Variants in MRPS27 observed in about 807,000 individuals in gnomAD.
MRPS27 encodes the protein small ribosomal subunit protein mS27.
In MRPS27, 43 loss-of-function variants were observed where a neutral mutation model predicts 48.9. The ratio of observed to expected loss-of-function variants is 0.88; its 90% CI spans 0.69 to 1.13. The LOEUF (loss-of-function observed/expected upper bound fraction) is 1.13. MRPS27 is among the 50% of genes most tolerant of loss of function. The probability of loss-of-function intolerance (pLI) is 0.00; values close to 1 mark genes in which losing one functional copy is unlikely to be tolerated. For synonymous variants in MRPS27, 188 were observed against 171.9 expected (o/e 1.09, Z -0.73); for missense variants, 467 against 476.3 (o/e 0.98, Z 0.18).
intron 4 of MRPS27, among the ~76,000 whole-genome samples, chr5:72,291,780 A>T (rs1328748623): frequency 1.3e-5 from 2 of 152,384 alleles, no homozygotes; most frequent in South Asian, 4.1e-4. Context: ...CAGAAACAGA[A>T]GCAAAAGCAA....
At position 72,223,920 on chromosome 5, in the gene MRPS27, G is replaced by A. The variant is rs1747825609; in HGVS notation, c.838-70C>T. On this transcript the variant is annotated intron_variant, in intron 9 of 10. Coordinates refer to ENST00000261413, the MANE Select transcript of MRPS27 (RefSeq NM_015084.3). ...AAAAGCACATGGTGAAGAAAGGCTAGAGAAGGCGAAAGAAAGGAAGAATGA... is the reference window on the plus strand; with the variant it reads ...AAAAGCACATGGTGAAGAAAGGCTAAAGAAGGCGAAAGAAAGGAAGAATGA... 2.7e-6 allele frequency: 4 copies of A among 1,498,500 alleles called. No homozygotes were observed. In the East Asian group the frequency reaches 9.2e-5, roughly 34 times the overall value. The allele number at this position is 1,498,500 out of a possible 1,614,324, so 92.8% of individuals were successfully genotyped here.
chr5:72,270,910 A>C (rs1749224589), intron 4 of MRPS27, among the ~76,000 whole-genome samples: 1 of 152,226 alleles, frequency 6.6e-6, no homozygotes, highest in Non-Finnish European at 1.5e-5. Context: ...CTATATTTGT[A>C]GAAAAAACAT....
intron 4 of MRPS27, among the ~76,000 whole-genome samples, chr5:72,242,428 GA>G (rs750987632): frequency 1.2e-3 from 141 of 120,742 alleles, no homozygotes; most frequent in Middle Eastern, 8.7e-3. Context: ...GATCAAGAGT[GA>G]AAAAAAAAAA....
intron 4 of MRPS27, among the ~76,000 whole-genome samples, chr5:72,265,948 T>C (rs1281839109): frequency 2.0e-5 from 3 of 152,222 alleles, no homozygotes; most frequent in Non-Finnish European, 4.4e-5. Context: ...AAGATTTTGA[T>C]TTGAAATTCG....
At position 72,297,612 on chromosome 5, in the gene MRPS27, A is replaced by G. The variant is rs1414522468; in HGVS notation, c.222+20T>C. ...TTTCTTCCTTGTTCTTGGAAAATAT[A>G]TATGTTAAAATTTTCTTACCCGTGA... On this transcript the variant is annotated intron_variant, in intron 3 of 10. Transcript: ENST00000261413. 8 of 1,479,854 alleles carry G rather than the reference A, an allele frequency of 5.4e-6. No individual in the cohort carries two copies. Among genetic ancestry groups the G allele is most frequent in the Non-Finnish European group, 6.6e-6 (7 of 1,067,786 alleles). The allele number at this position is 1,479,854 out of a possible 1,614,324, so 91.7% of individuals were successfully genotyped here.
chr5:72,308,899 A>G (rs1473574393), intron 2 of MRPS27, among the ~76,000 whole-genome samples: 1 of 152,184 alleles, frequency 6.6e-6, no homozygotes, highest in Non-Finnish European at 1.5e-5. Flanking sequence ...CAGTGCACAT[A>G]TTTCTGAAGC....
chr5:72,238,369 T>C (rs888155171), intron 4 of MRPS27, among the ~76,000 whole-genome samples: 2 of 152,222 alleles, frequency 1.3e-5, no homozygotes, highest in African/African-American at 4.8e-5. Flanking sequence ...TTATACCCCT[T>C]ACTTCAACAG....
intron 7 of MRPS27, chr5:72,229,122 T>C (rs572191416): frequency 3.9e-5 from 6 of 152,226 alleles, no homozygotes; most frequent in Non-Finnish European, 7.3e-5. Flanking sequence ...TGTGATCTTC[T>C]TGGTGCCACA....
At chr5:72,293,233 T>C (rs1749878409) in intron 4 of MRPS27, among the ~76,000 whole-genome samples, 1 of 151,942 alleles carries the variant, frequency 6.6e-6, no homozygotes. Flanking sequence ...CGCAGCTTTG[T>C]AGAGTTCTAC....
At position 72,226,102 on chromosome 5, in the gene MRPS27, C is replaced by A; in HGVS notation, c.792G>T (p.Glu264Asp). The change falls in exon 9 of 11, where the codon GAG becomes GAT. Residue 264 changes from glutamate to aspartate, a missense_variant. Coordinates refer to ENST00000261413, the MANE Select transcript of MRPS27 (RefSeq NM_015084.3). ...GYLDRALQVM[E>D]KVAASPEDIK... ...TGTCTTCTGGGGAGGCAGCCACTTT[C>A]TCCATCACTTGAAGGGCTCTGTCAA... is the stretch of plus-strand genomic sequence containing the variant. 1.2e-6 allele frequency: 2 copies of A among 1,613,860 alleles called. No homozygotes were observed. Among genetic ancestry groups the A allele is most frequent in the South Asian group, 2.2e-5 (2 of 91,062 alleles).
At chr5:72,241,727 C>A in intron 4 of MRPS27, 3 of 1,529,706 alleles carry the variant, frequency 2.0e-6, no homozygotes, top group Non-Finnish European at 2.6e-6. Context: ...ATACAACTAA[C>A]ACATTGATTT....
At chr5:72,251,919 G>T (rs1748677469) in intron 4 of MRPS27, among the ~76,000 whole-genome samples, 1 of 152,162 alleles carries the variant, frequency 6.6e-6, no homozygotes, top group Non-Finnish European at 1.5e-5. Context: ...AACCTGAAAG[G>T]AGTTTAAGGC....
chr5:72,300,503 G>A (rs1421458600), intron 2 of MRPS27, among the ~76,000 whole-genome samples: 1 of 152,108 alleles, frequency 6.6e-6, no homozygotes, highest in Non-Finnish European at 1.5e-5. Context: ...GTGTCTAATA[G>A]GTATCTAAAC....
At chr5:72,298,253 A>G (rs531692885) in intron 2 of MRPS27, among the ~76,000 whole-genome samples, 1 of 152,332 alleles carries the variant, frequency 6.6e-6, no homozygotes, top group East Asian at 1.9e-4. Flanking sequence ...AAGACATACA[A>G]GCAGTCAACC....
At chr5:72,269,748 C>A (rs754157458) in intron 4 of MRPS27, among the ~76,000 whole-genome samples, 1 of 151,972 alleles carries the variant, frequency 6.6e-6, no homozygotes, top group Non-Finnish European at 1.5e-5. Context: ...TCACACAAAT[C>A]AAATCTAACT....
At chr5:72,239,272 G>A (rs923811727) in intron 4 of MRPS27, among the ~76,000 whole-genome samples, 1 of 152,148 alleles carries the variant, frequency 6.6e-6, no homozygotes, top group African/African-American at 2.4e-5. Flanking sequence ...TATTGGGATA[G>A]TTTCCTCTGA....
At chr5:72,262,620 A>G (rs1463732171) in intron 4 of MRPS27, among the ~76,000 whole-genome samples, 1 of 151,930 alleles carries the variant, frequency 6.6e-6, no homozygotes, top group Non-Finnish European at 1.5e-5. Flanking sequence ...TAATAAACCA[A>G]CTCTCCAGAA....
Position 72,277,438 on chromosome 5 carries a change from T to C in MRPS27, c.281+18093A>G, listed in dbSNP as rs181558853. ...GGCCAACATGGTGAAACCCCGTCTC[T>C]ACTAAAAATACAAAAATTAGCTAGG... On this transcript the variant is annotated intron_variant, in intron 4 of 10. Coordinates refer to ENST00000261413, the MANE Select transcript of MRPS27 (RefSeq NM_015084.3). Among the ~76,000 whole-genome samples the C allele has an allele frequency of 6.7e-4, 102 of 152,134 alleles. 2 individuals are homozygous for C. The East Asian group carries it at 0.019, about 29-fold the overall frequency.
chr5:72,241,498 C>G, intron 4 of MRPS27: 1 of 682,024 alleles, frequency 1.5e-6, no homozygotes, highest in East Asian at 2.8e-5. Context: ...AGTCAAAACA[C>G]TGGGCCAGCG....
Sources: allele counts gnomAD v4.1 joint callset (sites outside exome capture counted in the v4.1 genomes callset), GRCh38; gene constraint gnomAD v4.1.1; transcripts MANE v1.5; gene names NCBI Gene and HGNC (gene_info 2026-07-23, HGNC 2026-07-21).